PSMD9: variants seen among roughly 807,000 people sequenced by gnomAD.
The protein encoded by PSMD9 is 26S proteasome non-ATPase regulatory subunit 9.
A neutral mutation model predicts 25.9 loss-of-function variants in PSMD9; 26 were observed. That is an observed-to-expected ratio of 1.00 (90% CI 0.73 to 1.39). The LOEUF is 1.39. Among genes scored for constraint, PSMD9 ranks in the 40% most tolerant of loss-of-function variants. The pLI, the probability that PSMD9 is intolerant of heterozygous loss-of-function variation, is 0.00. For missense variants in PSMD9, 303 were observed against 299.3 expected (o/e 1.01, Z -0.09); for synonymous variants, 110 against 114.5 (o/e 0.96, Z 0.25).
chr12:121,902,969 C>G, intron 3 of PSMD9, 37 bp from the exon 4 acceptor site: 1 of 1,554,836 alleles, frequency 6.4e-7, no homozygotes, highest in South Asian at 1.1e-5. Flanking sequence ...CACACTGAAC[C>G]TCTAGCCTGA....
At chr12:121,905,579 G>A (rs1879531542) in intron 4 of PSMD9, among the ~76,000 whole-genome samples, 1 of 150,578 alleles carries the variant, frequency 6.6e-6, no homozygotes, top group African/African-American at 2.5e-5. Flanking sequence ...CCAGTCTGGA[G>A]TGCAGTGGCA....
At chr12:121,890,258 C>T (rs1313769347) in intron 1 of PSMD9, among the ~76,000 whole-genome samples, 3 of 152,130 alleles carry the variant, frequency 2.0e-5, no homozygotes, top group Non-Finnish European at 4.4e-5. Flanking sequence ...AACCATTTTA[C>T]TGGGTGCTGA....
intron 1 of PSMD9, 87 bp from the exon 2 acceptor site, chr12:121,894,652 A>G (rs1247226328): frequency 1.8e-6 from 2 of 1,133,450 alleles, no homozygotes; most frequent in Non-Finnish European, 2.6e-6. Context: ...CACCTTTATT[A>G]TGACTTCAGA....
chr12:121,896,946 T>C (rs561997196), intron 2 of PSMD9, among the ~76,000 whole-genome samples: 1 of 152,110 alleles, frequency 6.6e-6, no homozygotes, highest in East Asian at 1.9e-4. Flanking sequence ...CACATACATG[T>C]GTATATATCT....
chr12:121,899,386 G>A, intron 2 of PSMD9: 2 of 494,444 alleles, frequency 4.0e-6, no homozygotes, highest in South Asian at 5.1e-5. Context: ...AGCGAGGGCA[G>A]ACTTTGCTGC....
At chr12:121,892,265 C>CA (rs1418981670) in intron 1 of PSMD9, among the ~76,000 whole-genome samples, 2 of 152,078 alleles carry the variant, frequency 1.3e-5, no homozygotes, top group African/African-American at 4.8e-5. Context: ...AAAATATGGT[C>CA]AATACAAATG....
intron 4 of PSMD9, among the ~76,000 whole-genome samples, chr12:121,906,594 A>G (rs1310753859): frequency 1.3e-5 from 2 of 151,714 alleles, no homozygotes; most frequent in Non-Finnish European, 2.9e-5. Flanking sequence ...CACAAGGTCA[A>G]GAGATCGAGA....
chr12:121,904,531 G>A (rs936014302), intron 4 of PSMD9, among the ~76,000 whole-genome samples: 3 of 150,606 alleles, frequency 2.0e-5, no homozygotes, highest in Admixed American at 6.6e-5. Context: ...CCGAGATCGC[G>A]CCATTGCACT....
At chr12:121,901,663 C>CTTTTT (rs1376133221) in intron 3 of PSMD9, among the ~76,000 whole-genome samples, 13 of 113,884 alleles carry the variant, frequency 1.1e-4, no homozygotes, top group African/African-American at 5.6e-4. Context: ...CCCTTCATTC[C>CTTTTT]TTCTTTTTTT....
At chr12:121,912,036 T>G (rs1879739806) in intron 4 of PSMD9, among the ~76,000 whole-genome samples, 1 of 149,578 alleles carries the variant, frequency 6.7e-6, no homozygotes, top group Non-Finnish European at 1.5e-5. Context: ...TTTATTTATT[T>G]ATTTATTTAT....
At position 121,891,922 on chromosome 12, in the gene PSMD9, A is replaced by G. The variant is rs1361100380; in HGVS notation, c.139-2817A>G. On this transcript the variant is annotated intron_variant, in intron 1 of 5. Transcript: ENST00000541212. ...ATCTCAAAAAAAAAAAAAAAAAAAA[A>G]AAGAAGTGGACAGCTAAAACTATAA... Among the ~76,000 whole-genome samples the G allele has an allele frequency of 5.3e-5, 8 of 151,382 alleles. No individual in the cohort carries two copies. In the East Asian group the frequency reaches 1.2e-3, roughly 22 times the overall value.
At chr12:121,892,701 T>TA (rs113051390) in intron 1 of PSMD9, among the ~76,000 whole-genome samples, 148 of 146,634 alleles carry the variant, frequency 1.0e-3, no homozygotes, top group Non-Finnish European at 9.7e-4. Context: ...ACTCTGTCTT[T>TA]AAAAAAAAAA....
chr12:121,905,473 C>T (rs1377651412), intron 4 of PSMD9, among the ~76,000 whole-genome samples: 13 of 151,136 alleles, frequency 8.6e-5, no homozygotes, highest in Admixed American at 8.6e-4. Flanking sequence ...ATCCACCTGC[C>T]TTGGCCTCCC....
chr12:121,903,470 A>G (rs1592945622), intron 4 of PSMD9, among the ~76,000 whole-genome samples: 1 of 152,126 alleles, frequency 6.6e-6, no homozygotes, highest in African/African-American at 2.4e-5. Context: ...GGCCACAGAC[A>G]TTCAGGTCAT....
chr12:121,912,685 G>A (rs961513513), intron 4 of PSMD9, among the ~76,000 whole-genome samples: 3 of 151,842 alleles, frequency 2.0e-5, no homozygotes, highest in Admixed American at 6.6e-5. Flanking sequence ...GGGGATCATG[G>A]TGAAACCTGT....
At chr12:121,902,340 A>AT (rs1294468908) in intron 3 of PSMD9, 1 of 151,928 alleles carries the variant, frequency 6.6e-6, no homozygotes, top group African/African-American at 2.4e-5. Context: ...GTCAGGACAC[A>AT]TAGTTCCTGC....
chr12:121,892,780 G>A (rs1364675448), intron 1 of PSMD9, among the ~76,000 whole-genome samples: 1 of 152,118 alleles, frequency 6.6e-6, no homozygotes, highest in Non-Finnish European at 1.5e-5. Context: ...AGGAGGCTGA[G>A]ACAGATCGCT....
At chr12:121,902,975 C>G in intron 3 of PSMD9, 31 bp from the exon 4 acceptor site, 2 of 1,574,682 alleles carry the variant, frequency 1.3e-6, no homozygotes, top group African/African-American at 1.3e-5. Context: ...GAACCTCTAG[C>G]CTGATTTTCC....
At chr12:121,915,214 A>G (rs1382083875) in intron 4 of PSMD9, 1 of 151,774 alleles carries the variant, frequency 6.6e-6, no homozygotes. Context: ...AGTCCCAGCT[A>G]CTCAGGAGGC....
Sources: allele counts gnomAD v4.1 joint callset (sites outside exome capture counted in the v4.1 genomes callset), GRCh38; gene constraint gnomAD v4.1.1; transcripts MANE v1.5; gene names NCBI Gene and HGNC (gene_info 2026-07-23, HGNC 2026-07-21).